The following MEI4 variants were observed in gnomAD, a reference collection of about 807,000 sequenced individuals.
MEI4 encodes meiosis-specific protein MEI4.
In MEI4, 27 loss-of-function variants were observed where a neutral mutation model predicts 31.4. That is an observed-to-expected ratio of 0.86 (90% CI 0.63 to 1.19). The LOEUF (loss-of-function observed/expected upper bound fraction) is 1.19, where lower values mean the gene tolerates loss of function less well. Ranked by LOEUF, MEI4 falls within the 50% of genes most tolerant of loss-of-function variation. The pLI is 0.00. For missense variants in MEI4, 329 were observed against 398.9 expected (o/e 0.82, Z 1.49); for synonymous variants, 122 against 145.4 (o/e 0.84, Z 1.16).
At chr6:77,732,514 TAAG>T (rs1258082006) in intron 2 of MEI4, among the ~76,000 whole-genome samples, 1 of 151,010 alleles carries the variant, frequency 6.6e-6, no homozygotes, top group African/African-American at 2.4e-5. Context: ...CTTATCAGCT[TAAG>T]GAGATTTTGG....
intron 4 of MEI4, among the ~76,000 whole-genome samples, chr6:77,911,054 T>A (rs935765315): frequency 4.6e-5 from 7 of 151,948 alleles, no homozygotes; most frequent in African/African-American, 1.7e-4. Flanking sequence ...TGTTACCCAT[T>A]TGTATGTCTC....
At chr6:77,797,587 C>G (rs1322615839) in intron 3 of MEI4, among the ~76,000 whole-genome samples, 1 of 152,086 alleles carries the variant, frequency 6.6e-6, no homozygotes, top group Non-Finnish European at 1.5e-5. Flanking sequence ...GGCCCGAGAT[C>G]CCCCGGCAAA....
intron 2 of MEI4, among the ~76,000 whole-genome samples, chr6:77,744,730 T>A (rs1266939206): frequency 6.6e-6 from 1 of 152,130 alleles, no homozygotes; most frequent in Non-Finnish European, 1.5e-5. Context: ...AAAGGTATGG[T>A]TACCCACAAG....
intron 4 of MEI4, among the ~76,000 whole-genome samples, chr6:77,919,692 AAATT>A (rs1766655783): frequency 6.7e-6 from 1 of 150,344 alleles, no homozygotes; most frequent in African/African-American, 2.4e-5. Context: ...ACCCTTCAAA[AAATT>A]AATGAATCCA....
At chr6:77,694,577 A>T (rs1456048867) in intron 2 of MEI4, among the ~76,000 whole-genome samples, 3 of 152,092 alleles carry the variant, frequency 2.0e-5, no homozygotes, top group Non-Finnish European at 4.4e-5. Flanking sequence ...CCATGTCCCT[A>T]CAAAGGACAT....
At position 77,717,056 on chromosome 6, in the gene MEI4, C is replaced by A. The variant is rs1766598840; in HGVS notation, c.232+26153C>A. ...AAGTATAGAGAAAGAAATAAGGGGA[C>A]CCGGGGAACCAGCGTTCAGCATATG... is the stretch of plus-strand genomic sequence containing the variant. On this transcript the variant is annotated intron_variant, in intron 2 of 4. Transcript: ENST00000684080. 6.3e-5 allele frequency among the ~76,000 whole-genome samples: 9 copies of A among 143,970 alleles called. No individual in the cohort carries two copies. In the South Asian group the frequency reaches 1.4e-3, roughly 23 times the overall value. The allele number at this position is 143,970 out of a possible 152,430, so 94.4% of individuals were successfully genotyped here. A position where few individuals can be genotyped will look rare whatever the true frequency, so the allele number is the denominator to read the frequency against.
chr6:77,805,562 C>T lies in MEI4; in HGVS notation c.769-23369C>T, dbSNP rs538720093. On this transcript the variant is annotated intron_variant, in intron 3 of 4. Transcript: ENST00000684080. ...AATTTAAATAGTAATTAGAGCTTTA[C>T]ATTTTTATAAGTTGTAGAGAAATAA... is the stretch of plus-strand genomic sequence containing the variant. Among the ~76,000 whole-genome samples the T allele has an allele frequency of 1.2e-3, 176 of 152,130 alleles. No homozygotes were observed. In the Middle Eastern group the frequency reaches 0.017, roughly 15 times the overall value.
chr6:77,735,482 C>T (rs1207845682), intron 2 of MEI4, among the ~76,000 whole-genome samples: 1 of 152,056 alleles, frequency 6.6e-6, no homozygotes, highest in African/African-American at 2.4e-5. Context: ...TTTTCAGCTT[C>T]ATCAGGTCCT....
chr6:77,886,072 G>A (rs1376054358), intron 4 of MEI4, among the ~76,000 whole-genome samples: 1 of 151,938 alleles, frequency 6.6e-6, no homozygotes, highest in Non-Finnish European at 1.5e-5. Context: ...GTATTTTGTT[G>A]AAAAATTTTG....
At chr6:77,834,934 C>A (rs904756906) in intron 4 of MEI4, among the ~76,000 whole-genome samples, 4 of 152,038 alleles carry the variant, frequency 2.6e-5, no homozygotes, top group Non-Finnish European at 5.9e-5. Context: ...GTACTTGCAC[C>A]CTAATCTTTC....
At chr6:77,734,341 T>G (rs111551245) in intron 2 of MEI4, among the ~76,000 whole-genome samples, 1 of 152,066 alleles carries the variant, frequency 6.6e-6, no homozygotes, top group Non-Finnish European at 1.5e-5. Context: ...AGGATATATA[T>G]TTAGGATAGT....
intron 3 of MEI4, among the ~76,000 whole-genome samples, chr6:77,807,190 A>C (rs1338968016): frequency 6.6e-6 from 1 of 151,488 alleles, no homozygotes; most frequent in Non-Finnish European, 1.5e-5. Flanking sequence ...GAATCAATGA[A>C]TTACAAATTT....
chr6:77,693,696 GA>G (rs993476935), intron 2 of MEI4, among the ~76,000 whole-genome samples: 3 of 151,790 alleles, frequency 2.0e-5, no homozygotes, highest in Admixed American at 1.3e-4. Context: ...AAAGGGGAGA[GA>G]AAAAATATAC....
At chr6:77,863,946 A>T (rs1383005532) in intron 4 of MEI4, among the ~76,000 whole-genome samples, 1 of 152,212 alleles carries the variant, frequency 6.6e-6, no homozygotes, top group African/African-American at 2.4e-5. Flanking sequence ...AAAGAAAAGA[A>T]TTTTGAACCC....
rs151216809 is a variant in MEI4, at chr6:77,654,565, T to TA, written c.-15+1483dup. Among the ~76,000 whole-genome samples the TA allele has an allele frequency of 2.7e-4, 21 of 79,236 alleles. 1 individual carries two copies. The highest frequency in any genetic ancestry group is 3.5e-4 in the African/African-American group (6 of 17,326). The allele number at this position is 79,236 out of a possible 152,430, so 52.0% of individuals were successfully genotyped here. On this transcript the variant is annotated intron_variant, in intron 1 of 4. Coordinates refer to ENST00000684080, the MANE Select transcript of MEI4 (RefSeq NM_001322247.2). ...AAAATTGAAAACAATAATACAACAC[T>TA]AAAAAAAAAATGAATAAAAGTACTA...
intron 2 of MEI4, among the ~76,000 whole-genome samples, chr6:77,743,802 G>A (rs138473569): frequency 0.01 from 1,591 of 152,280 alleles, 28 homozygotes; most frequent in African/African-American, 0.036. Flanking sequence ...AGCAGCATTC[G>A]TGGTTCACAA....
chr6:77,831,083 A>G (rs1582192852), intron 4 of MEI4, among the ~76,000 whole-genome samples: 1 of 151,832 alleles, frequency 6.6e-6, no homozygotes, highest in East Asian at 1.9e-4. Flanking sequence ...TGAATTAAAA[A>G]TGGCCAAAAT....
intron 4 of MEI4, among the ~76,000 whole-genome samples, chr6:77,896,601 A>G (rs1452534916): frequency 6.6e-6 from 1 of 152,034 alleles, no homozygotes; most frequent in Non-Finnish European, 1.5e-5. Flanking sequence ...TCAGTTGTTC[A>G]TGTCTCATAA....
intron 3 of MEI4, among the ~76,000 whole-genome samples, chr6:77,768,811 A>G (rs532862842): frequency 1.4e-4 from 22 of 152,292 alleles, no homozygotes; most frequent in African/African-American, 5.1e-4. Context: ...GCTATAAACA[A>G]CAGTCTTTTG....
Sources: allele counts gnomAD v4.1 joint callset (sites outside exome capture counted in the v4.1 genomes callset), GRCh38; gene constraint gnomAD v4.1.1; transcripts MANE v1.5; gene names NCBI Gene and HGNC (gene_info 2026-07-23, HGNC 2026-07-21).